ANK2: variants seen among roughly 807,000 people sequenced by gnomAD.
The protein encoded by ANK2 is ankyrin 2, also known as ankyrin-2.
A neutral mutation model predicts 360.5 loss-of-function variants in ANK2; 83 were observed. That is an observed-to-expected ratio of 0.23 (90% CI 0.19 to 0.28). The LOEUF (loss-of-function observed/expected upper bound fraction) is 0.28. Ranked by LOEUF, ANK2 falls within the 10% of genes least tolerant of loss-of-function variation. The pLI, the probability that ANK2 is intolerant of heterozygous loss-of-function variation, is 1.00. For synonymous variants in ANK2, 1,740 were observed against 1,759.5 expected, an observed-to-expected ratio of 0.99 and a Z score of 0.28; for missense variants, 4,201 against 4,795.7, an observed-to-expected ratio of 0.88 and a Z score of 3.66.
the ANK2 span, among the ~76,000 whole-genome samples, chr4:112,765,570 G>A: frequency 6.6e-6 from 1 of 151,396 alleles, no homozygotes; most frequent in African/African-American, 2.4e-5. Flanking sequence ...TACTCACTTA[G>A]CTCTTCTAAG....
At chr4:113,084,172 G>A (rs2083551285) in intron 1 of ANK2, among the ~76,000 whole-genome samples, 1 of 152,208 alleles carries the variant, frequency 6.6e-6, no homozygotes, top group African/African-American at 2.4e-5. Flanking sequence ...GATTGTCACA[G>A]GCCAGGCCTG....
intron 27 of ANK2, among the ~76,000 whole-genome samples, chr4:113,330,694 C>A (rs2092200378): frequency 6.6e-6 from 1 of 152,146 alleles, no homozygotes; most frequent in African/African-American, 2.4e-5. Flanking sequence ...AATACCACTT[C>A]TTCTTTTTGG....
chr4:113,346,020 A>G lies in ANK2; in HGVS notation c.4369A>G (p.Lys1457Glu), dbSNP rs369038140. 6.8e-5 allele frequency: 110 copies of G among 1,613,118 alleles called. No homozygotes were observed. The highest frequency in any genetic ancestry group is 9.2e-5 in the Non-Finnish European group (108 of 1,179,312). ...AAACATCACTTTGCCGATTTATACA[A>G]AGGTATCGTAAAATCTGCTATAGTG... ...NLNITLPIYT[K>E]ESESDQEQEE... Residue 1457 changes from lysine (K) to glutamate (E), a missense_variant and splice_region_variant, in exon 35 of 46, where the codon AAG (lysine) becomes GAG (glutamate). Lys to Glu is a moderately conservative substitution (Grantham distance 56). Coordinates refer to ENST00000357077, the MANE Select transcript of ANK2 (RefSeq NM_001148.6).
At chr4:113,063,489 A>C (rs567472164) in intron 1 of ANK2, among the ~76,000 whole-genome samples, 73 of 152,264 alleles carry the variant, frequency 4.8e-4, no homozygotes, top group African/African-American at 1.4e-3. Flanking sequence ...TGCCACAATC[A>C]GAAAACATTT....
intron 1 of ANK2, among the ~76,000 whole-genome samples, chr4:113,133,558 C>T (rs949108816): frequency 1.6e-4 from 24 of 152,144 alleles, no homozygotes; most frequent in African/African-American, 5.3e-4. Flanking sequence ...TATACTACCA[C>T]GTAATGTCTG....
chr4:112,904,355 C>A, intron 1 of ANK2: 1 of 617,966 alleles, frequency 1.6e-6, no homozygotes, highest in Non-Finnish European at 2.6e-6. Context: ...CCATCAGTGC[C>A]TCCTATAAGC....
intron 26 of ANK2, among the ~76,000 whole-genome samples, chr4:113,326,069 T>G (rs1355688262): frequency 6.6e-6 from 1 of 152,226 alleles, no homozygotes; most frequent in Non-Finnish European, 1.5e-5. Flanking sequence ...TGTGAACGAC[T>G]CATCTCGCGA....
At chr4:113,007,702 A>G (rs907902606) in intron 2 of ANK2, among the ~76,000 whole-genome samples, 5 of 152,188 alleles carry the variant, frequency 3.3e-5, no homozygotes, top group Admixed American at 6.6e-5. Flanking sequence ...ATTAAGACTT[A>G]AAAACAGAAG....
chr4:112,868,555 C>G lies in ANK2; in HGVS notation c.-39-35900C>G, dbSNP rs2071570599. On this transcript the variant is annotated intron_variant, in intron 1 of 30. Transcript: ENST00000503271. ...TAATCACCTCTTAATGGTCTCACTTCTGAATACCATCATTATAGCAATTAA... is the reference window on the plus strand; with the variant it reads ...TAATCACCTCTTAATGGTCTCACTTGTGAATACCATCATTATAGCAATTAA... 2.6e-5 allele frequency among the ~76,000 whole-genome samples: 4 copies of G among 152,222 alleles called. No homozygotes were observed. The South Asian group carries it at 8.3e-4, about 31-fold the overall frequency.
intron 1 of ANK2, chr4:113,141,494 G>A (rs747835264): frequency 1.3e-5 from 2 of 152,098 alleles, no homozygotes; most frequent in African/African-American, 4.8e-5. Context: ...AACAACCATC[G>A]AATCTAATTT....
At chr4:113,242,951 C>T (rs1413681094) in intron 9 of ANK2, among the ~76,000 whole-genome samples, 2 of 152,142 alleles carry the variant, frequency 1.3e-5, no homozygotes, top group African/African-American at 4.8e-5. Flanking sequence ...CTAATAATAA[C>T]ACACCTACTT....
At chr4:113,287,483 G>A in intron 18 of ANK2, 122 bp from the exon 19 acceptor site, 1 of 789,942 alleles carries the variant, frequency 1.3e-6, no homozygotes, top group Non-Finnish European at 2.1e-6. Context: ...TATAGTTTCT[G>A]GGAAGAGGCT....
chr4:112,913,675 T>G (rs1437381000), intron 2 of ANK2, among the ~76,000 whole-genome samples: 1 of 152,218 alleles, frequency 6.6e-6, no homozygotes, highest in African/African-American at 2.4e-5. Context: ...ACAGATTGCC[T>G]CATCTATAAA....
At chr4:113,241,270 A>T (rs1178479582) in intron 8 of ANK2, among the ~76,000 whole-genome samples, 5 of 152,238 alleles carry the variant, frequency 3.3e-5, no homozygotes, top group East Asian at 1.9e-4. Flanking sequence ...AGTCATCTGC[A>T]CTGAAACTAT....
chr4:113,304,141 A>T (rs1463249486), intron 23 of ANK2, among the ~76,000 whole-genome samples: 2 of 152,192 alleles, frequency 1.3e-5, no homozygotes, highest in Non-Finnish European at 2.9e-5. Context: ...AATACTTGCC[A>T]ACTAGTTCTC....
chr4:113,012,061 G>T (rs375204144), intron 2 of ANK2, among the ~76,000 whole-genome samples: 2 of 152,036 alleles, frequency 1.3e-5, no homozygotes, highest in African/African-American at 4.8e-5. Flanking sequence ...TTTGGTCCTG[G>T]TTGTTTTTCA....
At chr4:113,255,404 C>A (rs894298857) in intron 10 of ANK2, among the ~76,000 whole-genome samples, 12 of 152,268 alleles carry the variant, frequency 7.9e-5, no homozygotes, top group African/African-American at 2.9e-4. Context: ...GAGTTGGATA[C>A]AAATAACTGA....
At chr4:113,113,196 T>C (rs72673412) in intron 1 of ANK2, among the ~76,000 whole-genome samples, 1,808 of 151,096 alleles carry the variant, frequency 0.012, 15 homozygotes, top group Non-Finnish European at 0.017. Context: ...TTTTTTTTTT[T>C]CCCTGATTAG....
intron 11 of ANK2, among the ~76,000 whole-genome samples, chr4:113,257,318 G>A (rs2050048463): frequency 6.6e-6 from 1 of 152,196 alleles, no homozygotes; most frequent in Non-Finnish European, 1.5e-5. Context: ...AGTTCGCCAA[G>A]TTAGAAAGTA....
Sources: allele counts gnomAD v4.1 joint callset (sites outside exome capture counted in the v4.1 genomes callset), GRCh38; gene constraint gnomAD v4.1.1; transcripts MANE v1.5; gene names NCBI Gene and HGNC (gene_info 2026-07-23, HGNC 2026-07-21).